The following DLGAP2 variants were observed in gnomAD, a reference collection of about 807,000 sequenced individuals.
The protein encoded by DLGAP2 is disks large-associated protein 2.
Under a neutral mutation model 100.3 loss-of-function variants are expected in DLGAP2, and 26 were observed. The ratio of observed to expected loss-of-function variants is 0.26; its 90% CI spans 0.19 to 0.36. The LOEUF (loss-of-function observed/expected upper bound fraction) is 0.36, where lower values mean the gene tolerates loss of function less well. Ranked by LOEUF, DLGAP2 falls within the 10% of genes least tolerant of loss-of-function variation. The pLI is 1.00. For missense variants in DLGAP2, 1,858 were observed against 1,453.2 expected (o/e 1.28, Z -4.53); for synonymous variants, 886 against 630.1 (o/e 1.41, Z -6.08).
chr8:1,132,404 G>T (rs547084727), intron 2 of DLGAP2, among the ~76,000 whole-genome samples: 21 of 152,186 alleles, frequency 1.4e-4, no homozygotes, highest in Non-Finnish European at 2.9e-4. Context: ...TAATATTACA[G>T]TTAAGCTACT....
intron 8 of DLGAP2, among the ~76,000 whole-genome samples, chr8:1,645,386 G>T (rs937874431): frequency 3.3e-5 from 5 of 152,240 alleles, no homozygotes; most frequent in African/African-American, 7.2e-5. Context: ...CTGCAGGCCA[G>T]TGTCAGTGTT....
At chr8:1,067,415 A>G (rs1204097723) in intron 2 of DLGAP2, among the ~76,000 whole-genome samples, 4 of 152,122 alleles carry the variant, frequency 2.6e-5, no homozygotes, top group Non-Finnish European at 5.9e-5. Context: ...GGGAAGCTGC[A>G]GGCTCCTGAG....
intron 2 of DLGAP2, among the ~76,000 whole-genome samples, chr8:1,242,099 C>T (rs576441384): frequency 6.6e-6 from 1 of 152,052 alleles, no homozygotes; most frequent in Non-Finnish European, 1.5e-5. Flanking sequence ...GATAAACCTA[C>T]CTAAAGGCAC....
chr8:985,670 T>C (rs1214509561), intron 2 of DLGAP2, among the ~76,000 whole-genome samples: 1 of 152,230 alleles, frequency 6.6e-6, no homozygotes, highest in Non-Finnish European at 1.5e-5. Context: ...GAGCAGAACA[T>C]CTGGTAATGG....
intron 3 of DLGAP2, among the ~76,000 whole-genome samples, chr8:1,429,918 A>T (rs530884515): frequency 0.011 from 1,615 of 147,060 alleles, 28 homozygotes; most frequent in African/African-American, 0.038. Flanking sequence ...TACCTTCATC[A>T]TACACGGCCT....
intron 4 of DLGAP2, among the ~76,000 whole-genome samples, chr8:1,514,477 T>C (rs1217215925): frequency 1.3e-5 from 2 of 152,228 alleles, no homozygotes; most frequent in South Asian, 2.1e-4. Flanking sequence ...CGAGAAAATA[T>C]TGTGTTGGAG....
At chr8:1,292,849 C>T (rs975604130) in intron 3 of DLGAP2, among the ~76,000 whole-genome samples, 5 of 152,126 alleles carry the variant, frequency 3.3e-5, no homozygotes, top group Non-Finnish European at 7.3e-5. Flanking sequence ...CCACACATCC[C>T]AAGCCTACGC....
At chr8:1,373,395 C>G (rs945091886) in intron 3 of DLGAP2, among the ~76,000 whole-genome samples, 1 of 152,106 alleles carries the variant, frequency 6.6e-6, no homozygotes, top group Non-Finnish European at 1.5e-5. Context: ...AGCCCTGTGC[C>G]GCTTGCGTCC....
At chr8:1,073,050 A>G (rs892996194) in intron 2 of DLGAP2, among the ~76,000 whole-genome samples, 7 of 152,182 alleles carry the variant, frequency 4.6e-5, no homozygotes, top group African/African-American at 1.7e-4. Context: ...TGTCACAATC[A>G]TTATAGCACC....
intron 1 of DLGAP2, among the ~76,000 whole-genome samples, chr8:751,629 TAGGA>T (rs1820791922): frequency 1.1e-5 from 1 of 88,294 alleles, no homozygotes; most frequent in Non-Finnish European, 3.5e-5. Flanking sequence ...TAAGTCCTTA[TAGGA>T]AGTTCATCTG....
intron 2 of DLGAP2, among the ~76,000 whole-genome samples, chr8:1,206,764 C>T (rs1257013557): frequency 6.6e-6 from 1 of 152,200 alleles, no homozygotes; most frequent in Non-Finnish European, 1.5e-5. Context: ...CCCTGCCTAC[C>T]TCTCTGCCAT....
At chr8:1,127,694 C>T (rs1395508451) in intron 2 of DLGAP2, among the ~76,000 whole-genome samples, 2 of 152,176 alleles carry the variant, frequency 1.3e-5, no homozygotes, top group African/African-American at 2.4e-5. Context: ...GAGAGTGTTC[C>T]GGCATTAACA....
chr8:1,700,343 T>A (rs943979625), intron 14 of DLGAP2, among the ~76,000 whole-genome samples: 1 of 152,336 alleles, frequency 6.6e-6, no homozygotes, highest in East Asian at 1.9e-4. Context: ...AACAGCTGGC[T>A]ACGGAGAGTC....
At chr8:1,163,998 A>G (rs1322910254) in intron 2 of DLGAP2, among the ~76,000 whole-genome samples, 1 of 152,218 alleles carries the variant, frequency 6.6e-6, no homozygotes, top group African/African-American at 2.4e-5. Context: ...CTCAGTGTTC[A>G]GGGTTTTTCT....
At chr8:1,488,173 C>T (rs545228634) in intron 3 of DLGAP2, among the ~76,000 whole-genome samples, 2 of 152,282 alleles carry the variant, frequency 1.3e-5, no homozygotes, top group South Asian at 4.2e-4. Flanking sequence ...CCTTCTTCCA[C>T]ACAGTCCTCC....
intron 3 of DLGAP2, among the ~76,000 whole-genome samples, chr8:1,359,228 C>G (rs979989850): frequency 1.3e-5 from 2 of 152,178 alleles, no homozygotes; most frequent in African/African-American, 2.4e-5. Flanking sequence ...ACAGGAAAAT[C>G]CACCTCCCGG....
chr8:1,196,770 C>T (rs12674553), intron 2 of DLGAP2, among the ~76,000 whole-genome samples: 36,264 of 152,060 alleles, frequency 0.24, 4,369 homozygotes, highest in East Asian at 0.34. Context: ...CTGGCTTGGA[C>T]GGCTGCATGT....
At chr8:1,483,018 GCCT>G (rs1285898855) in intron 3 of DLGAP2, among the ~76,000 whole-genome samples, 1 of 152,210 alleles carries the variant, frequency 6.6e-6, no homozygotes, top group Non-Finnish European at 1.5e-5. Flanking sequence ...CTCCGGCACT[GCCT>G]CCTCCTTGGA....
At position 976,912 on chromosome 8, in the gene DLGAP2, T is replaced by C. The variant is rs78758716; in HGVS notation, c.73+68946T>C. ...TTTAGATATAGTACCAAAAGCACTGTTCATGAAAGAAATAATTGATAAGTT... is the reference window on the plus strand; with the variant it reads ...TTTAGATATAGTACCAAAAGCACTGCTCATGAAAGAAATAATTGATAAGTT... On this transcript the variant is annotated intron_variant, in intron 2 of 14. Transcript: ENST00000637795. Among the ~76,000 whole-genome samples, 279 of 152,326 alleles carry C rather than the reference T, an allele frequency of 1.8e-3. 3 individuals are homozygous for C. The highest frequency in any genetic ancestry group is 6.6e-3 in the African/African-American group (275 of 41,572).
Sources: gnomAD v4.1 joint callset for allele counts (sites outside exome capture counted in the v4.1 genomes callset) on GRCh38, gnomAD v4.1.1 for gene constraint, MANE v1.5 for transcripts, NCBI Gene and HGNC (gene_info 2026-07-23, HGNC 2026-07-21) for gene names.